The following TMPRSS15 variants were observed in gnomAD, a reference collection of about 807,000 sequenced individuals.
The protein encoded by TMPRSS15 is enteropeptidase.
In TMPRSS15, 128 loss-of-function variants were observed where a neutral mutation model predicts 125.3. The observed-to-expected ratio is 1.02, with a 90% confidence interval of 0.89 to 1.18. The LOEUF (loss-of-function observed/expected upper bound fraction) is 1.18, where lower values mean the gene tolerates loss of function less well. Among genes scored for constraint, TMPRSS15 ranks in the 50% most tolerant of loss-of-function variants. The probability of loss-of-function intolerance (pLI) is 0.00; values close to 1 mark genes in which losing one functional copy is unlikely to be tolerated. For synonymous variants in TMPRSS15, 446 were observed against 423.2 expected, an observed-to-expected ratio of 1.05 and a Z score of -0.66; for missense variants, 1,283 against 1,212.7, an observed-to-expected ratio of 1.06 and a Z score of -0.86.
intron 3 of TMPRSS15, among the ~76,000 whole-genome samples, chr21:18,396,835 T>C (rs1354802928): frequency 6.8e-6 from 1 of 147,076 alleles, no homozygotes; most frequent in Non-Finnish European, 1.5e-5. Flanking sequence ...TCTATCTATC[T>C]ATCTATCTAT....
intron 7 of TMPRSS15, among the ~76,000 whole-genome samples, chr21:18,360,454 G>A (rs1601389218): frequency 6.6e-6 from 1 of 152,200 alleles, no homozygotes; most frequent in African/African-American, 2.4e-5. Flanking sequence ...GATCAGGTGG[G>A]AATTCTATTT....
upstream of TMPRSS15, among the ~76,000 whole-genome samples, chr21:18,404,545 A>T (rs1162276714): frequency 1.3e-5 from 2 of 152,172 alleles, no homozygotes; most frequent in Non-Finnish European, 2.9e-5. Flanking sequence ...TGATAATTAA[A>T]TTACGGTTTA....
intron 18 of TMPRSS15, among the ~76,000 whole-genome samples, chr21:18,307,737 C>T (rs560253304): frequency 1.4e-4 from 22 of 152,088 alleles, no homozygotes; most frequent in Admixed American, 2.6e-4. Context: ...TTGGAAGGAA[C>T]GTAAATGTAG....
At chr21:18,316,197 TC>T (rs1701041701) in intron 16 of TMPRSS15, among the ~76,000 whole-genome samples, 2 of 152,104 alleles carry the variant, frequency 1.3e-5, no homozygotes, top group African/African-American at 4.8e-5. Context: ...CTCAGACATC[TC>T]TTTTGCAGCA....
chr21:18,358,823 ATAT>A (rs1358500806), intron 8 of TMPRSS15, among the ~76,000 whole-genome samples: 1 of 152,116 alleles, frequency 6.6e-6, no homozygotes, highest in Non-Finnish European at 1.5e-5. Flanking sequence ...TAAAAATGAG[ATAT>A]TATTAGCATA....
intron 15 of TMPRSS15, 65 bp downstream of exon 15, chr21:18,329,104 G>C: frequency 6.3e-7 from 1 of 1,583,214 alleles, no homozygotes; most frequent in South Asian, 1.1e-5. Flanking sequence ...ATTAAGAAAC[G>C]CTCTTTCCAT....
intron 21 of TMPRSS15, among the ~76,000 whole-genome samples, chr21:18,281,987 CT>C (rs1253264281): frequency 2.7e-4 from 41 of 149,616 alleles, no homozygotes; most frequent in Non-Finnish European, 4.9e-4. Flanking sequence ...GTCCCAGCTA[CT>C]TCGGGGGGCA....
chr21:18,329,681 G>A (rs2075325875), intron 14 of TMPRSS15, among the ~76,000 whole-genome samples: 2 of 150,570 alleles, frequency 1.3e-5, no homozygotes, highest in Non-Finnish European at 3.0e-5. Context: ...AGAAAATTAG[G>A]TAATTAAAAT....
chr21:18,436,216 A>G (rs368930962), intron 1 of TMPRSS15, among the ~76,000 whole-genome samples: 13,078 of 145,212 alleles, frequency 0.09, 639 homozygotes, highest in African/African-American at 0.11. Flanking sequence ...TCTTTTAATT[A>G]TGATGTTAGG....
In TMPRSS15 at chr21:18,302,908, TTTTGTTTG is replaced by T. The variant is rs756120880; in HGVS notation, c.2166-5087_2166-5080del. 9.2e-5 allele frequency among the ~76,000 whole-genome samples: 14 copies of T among 152,188 alleles called. No individual in the cohort carries two copies. In the East Asian group the frequency reaches 1.9e-3, roughly 21 times the overall value. ...TAGCTGCTGCTGCTGTTGGAGTTCC[TTTTGTTTG>T]TTTGTTTGTTTGTTTGGAGTAGAGG... On this transcript the variant is annotated intron_variant, in intron 18 of 24. Coordinates refer to ENST00000284885, the MANE Select transcript of TMPRSS15 (RefSeq NM_002772.3).
chr21:18,302,378 C>T (rs1601300314), intron 18 of TMPRSS15, among the ~76,000 whole-genome samples: 2 of 152,104 alleles, frequency 1.3e-5, no homozygotes, highest in African/African-American at 4.8e-5. Flanking sequence ...GCAAATCATC[C>T]CACTAGGAAA....
intron 1 of TMPRSS15, among the ~76,000 whole-genome samples, chr21:18,453,910 C>T (rs1023389435): frequency 4.6e-5 from 7 of 152,172 alleles, no homozygotes; most frequent in Non-Finnish European, 1.0e-4. Flanking sequence ...AGGACAAATT[C>T]TGCAATATTC....
chr21:18,394,111 C>T (rs1180826473), intron 3 of TMPRSS15, among the ~76,000 whole-genome samples: 1 of 152,098 alleles, frequency 6.6e-6, no homozygotes, highest in Admixed American at 6.5e-5. Flanking sequence ...TATGTTTTGC[C>T]TATTTTTTGA....
At chr21:18,365,643 T>TTCCTTCCTTCCTTCC (rs2075724370) in intron 6 of TMPRSS15, among the ~76,000 whole-genome samples, 1 of 26,774 alleles carries the variant, frequency 3.7e-5, no homozygotes, top group African/African-American at 1.1e-4. Context: ...TCTCTCTCTT[T>TTCCTTCCTTCCTTCC]TTCCTCCCTT....
At chr21:18,272,712 C>G (rs1415458183) in intron 24 of TMPRSS15, among the ~76,000 whole-genome samples, 1 of 151,762 alleles carries the variant, frequency 6.6e-6, no homozygotes, top group Non-Finnish European at 1.5e-5. Context: ...GCAATAAGAG[C>G]AAAACTCTGA....
At chr21:18,428,081 C>T (rs1451389152) in intron 1 of TMPRSS15, among the ~76,000 whole-genome samples, 1 of 152,138 alleles carries the variant, frequency 6.6e-6, no homozygotes, top group Non-Finnish European at 1.5e-5. Context: ...TCACTAATCT[C>T]CTGGGTTATT....
At chr21:18,473,054 C>T (rs963361314) in intron 1 of TMPRSS15, among the ~76,000 whole-genome samples, 1 of 151,958 alleles carries the variant, frequency 6.6e-6, no homozygotes, top group African/African-American at 2.4e-5. Flanking sequence ...TGTCCTAGCT[C>T]AATGTTTGAA....
intron 3 of TMPRSS15, among the ~76,000 whole-genome samples, chr21:18,391,551 T>A (rs1198587565): frequency 6.6e-6 from 1 of 152,220 alleles, no homozygotes. Flanking sequence ...CTTGGGCAGC[T>A]CCACCCTAGT....
In TMPRSS15 at chr21:18,275,204, G is replaced by T; in HGVS notation, c.2897C>A (p.Ser966Tyr). ...GCAGTTTTACATCTTTACCTGACAA[G>T]AATCTATTCCTCCTTCTTCATAGCC... is the stretch of plus-strand genomic sequence containing the variant. ...CAGYEEGGID[S>Y]CQGDSGGPLM... is the part of the protein sequence containing the mutation. The change falls in exon 24 of 25, where the codon TCT becomes TAT. Residue 966 changes from serine to tyrosine, a missense_variant. By Grantham distance (144) the Ser-to-Tyr change is moderately radical. Transcript: ENST00000284885. 6.2e-7 allele frequency: 1 copy of T among 1,613,882 alleles called. No homozygotes were observed. The highest frequency in any genetic ancestry group is 8.5e-7 in the Non-Finnish European group (1 of 1,179,946).
Sources: allele counts gnomAD v4.1 joint callset (sites outside exome capture counted in the v4.1 genomes callset), GRCh38; gene constraint gnomAD v4.1.1; transcripts MANE v1.5; gene names NCBI Gene and HGNC (gene_info 2026-07-23, HGNC 2026-07-21).